Variants in NCKAP5 observed in about 807,000 individuals in gnomAD.
The protein encoded by NCKAP5 is nck-associated protein 5.
A neutral mutation model predicts 167.0 loss-of-function variants in NCKAP5; 92 were observed. The ratio of observed to expected loss-of-function variants is 0.55; its 90% confidence interval spans 0.47 to 0.66. The LOEUF is 0.66. NCKAP5 is among the 30% of genes least tolerant of loss of function. The pLI is 0.00. For missense variants in NCKAP5, 2,378 were observed against 2,315.0 expected (o/e 1.03, Z -0.56); for synonymous variants, 891 against 877.4 (o/e 1.02, Z -0.27).
intron 8 of NCKAP5, among the ~76,000 whole-genome samples, chr2:132,888,491 C>A (rs564357762): frequency 1.3e-5 from 2 of 152,160 alleles, no homozygotes; most frequent in Admixed American, 1.3e-4. Flanking sequence ...TGGGTTCAAG[C>A]AATTTCTCCC....
At chr2:132,962,060 G>A (rs972984047) in intron 8 of NCKAP5, among the ~76,000 whole-genome samples, 4 of 152,170 alleles carry the variant, frequency 2.6e-5, no homozygotes, top group Non-Finnish European at 4.4e-5. Flanking sequence ...AGTTGCTAGC[G>A]ATTCCTTTAG....
the NCKAP5 span, among the ~76,000 whole-genome samples, chr2:133,587,212 C>G: frequency 6.0e-3 from 913 of 152,220 alleles, 29 homozygotes; most frequent in Admixed American, 0.053. Flanking sequence ...GCCAGATTGC[C>G]AGGGCTGGAA....
chr2:133,250,500 A>G (rs2088257660), intron 4 of NCKAP5, among the ~76,000 whole-genome samples: 1 of 152,076 alleles, frequency 6.6e-6, no homozygotes, highest in Non-Finnish European at 1.5e-5. Context: ...GGTTCCTGAC[A>G]CCATGTGGAG....
intron 3 of NCKAP5, among the ~76,000 whole-genome samples, chr2:133,414,213 G>A (rs910628148): frequency 6.6e-6 from 1 of 152,118 alleles, no homozygotes; most frequent in African/African-American, 2.4e-5. Flanking sequence ...ACAGGTATTA[G>A]GTAAGGTCCA....
chr2:133,215,485 T>A (rs1478781600), intron 4 of NCKAP5, among the ~76,000 whole-genome samples: 1 of 152,180 alleles, frequency 6.6e-6, no homozygotes, highest in African/African-American at 2.4e-5. Flanking sequence ...AGCTCTAAAC[T>A]GAACAGAACT....
intron 5 of NCKAP5, among the ~76,000 whole-genome samples, chr2:133,205,291 TTAGATAGATAGA>T (rs36008566): frequency 2.0e-5 from 3 of 149,770 alleles, no homozygotes; most frequent in Middle Eastern, 3.4e-3. Context: ...GACTCTGAAA[TTAGATAGATAGA>T]TAGATAGATA....
intron 4 of NCKAP5, among the ~76,000 whole-genome samples, chr2:133,281,894 G>A (rs2089949120): frequency 6.6e-6 from 1 of 152,202 alleles, no homozygotes; most frequent in African/African-American, 2.4e-5. Context: ...GAAAGAGCAT[G>A]TTGGGCAGTT....
chr2:133,393,718 C>T (rs570528624), intron 3 of NCKAP5, among the ~76,000 whole-genome samples: 5 of 152,164 alleles, frequency 3.3e-5, no homozygotes, highest in African/African-American at 1.2e-4. Flanking sequence ...AATGAATAAA[C>T]AACTATCTTC....
chr2:132,686,569 T>C (rs1041061769), intron 19 of NCKAP5, among the ~76,000 whole-genome samples: 2 of 152,220 alleles, frequency 1.3e-5, no homozygotes, highest in African/African-American at 4.8e-5. Flanking sequence ...ACCTGGCATA[T>C]AGGTGGTCCA....
intron 5 of NCKAP5, among the ~76,000 whole-genome samples, chr2:133,211,554 CTT>C (rs2086212085): frequency 6.6e-6 from 1 of 152,150 alleles, no homozygotes; most frequent in Non-Finnish European, 1.5e-5. Flanking sequence ...CTACCCTGCT[CTT>C]TTATTTTCTC....
rs552065730 is a variant in NCKAP5, at chr2:133,547,082, C to T, written c.-62+11968G>A. Among the ~76,000 whole-genome samples, 508 of 152,300 alleles carry T rather than the reference C, an allele frequency of 3.3e-3. 5 individuals carry two copies. Among genetic ancestry groups the T allele is most frequent in the African/African-American group, 0.011 (454 of 41,578 alleles). Reference sequence around the variant, plus strand: ...CTCACTTGGGAAGTGCAAGGGGTCACGGAGTTCCCTTTCCAAGGCAAAGAA... The same window carrying T: ...CTCACTTGGGAAGTGCAAGGGGTCATGGAGTTCCCTTTCCAAGGCAAAGAA... On this transcript the variant is annotated intron_variant, in intron 2 of 19. Transcript: ENST00000409261.
chr2:132,675,649 G>A (rs1401907091), intron 19 of NCKAP5, among the ~76,000 whole-genome samples: 1 of 152,126 alleles, frequency 6.6e-6, no homozygotes, highest in East Asian at 1.9e-4. Flanking sequence ...ACCCCTGGAG[G>A]GAAGACAGAC....
chr2:133,268,023 A>G (rs2089324683), intron 4 of NCKAP5, among the ~76,000 whole-genome samples: 1 of 152,244 alleles, frequency 6.6e-6, no homozygotes, highest in Admixed American at 6.5e-5. Context: ...ACCTTGAATG[A>G]CAGTATTTGT....
At chr2:133,286,038 C>T (rs979392718) in intron 4 of NCKAP5, among the ~76,000 whole-genome samples, 12 of 151,582 alleles carry the variant, frequency 7.9e-5, no homozygotes, top group Non-Finnish European at 1.8e-4. Flanking sequence ...CTCTGTCGCC[C>T]AGGCTGGAGT....
chr2:132,830,117 A>G (rs1337146225), intron 11 of NCKAP5, among the ~76,000 whole-genome samples: 2 of 152,146 alleles, frequency 1.3e-5, no homozygotes, highest in Non-Finnish European at 2.9e-5. Context: ...GAACATTTCT[A>G]AAGTCTGGGC....
chr2:132,819,507 T>G (rs971673352), intron 11 of NCKAP5, among the ~76,000 whole-genome samples: 2 of 152,092 alleles, frequency 1.3e-5, no homozygotes, highest in Admixed American at 6.5e-5. Flanking sequence ...ATTATCTAAC[T>G]CTCACCCTTT....
chr2:132,844,461 T>C (rs1211119392), intron 11 of NCKAP5, among the ~76,000 whole-genome samples: 2 of 152,190 alleles, frequency 1.3e-5, no homozygotes, highest in South Asian at 4.1e-4. Flanking sequence ...CTATTTTCCA[T>C]GTGCTTACGT....
intron 8 of NCKAP5, among the ~76,000 whole-genome samples, chr2:132,882,317 C>A (rs540823258): frequency 6.6e-6 from 1 of 152,148 alleles, no homozygotes; most frequent in East Asian, 1.9e-4. Flanking sequence ...TGCTTCTAGT[C>A]GCTTTCAGTG....
chr2:133,518,313 T>G (rs545555612), intron 2 of NCKAP5, among the ~76,000 whole-genome samples: 2 of 148,386 alleles, frequency 1.3e-5, no homozygotes, highest in South Asian at 4.4e-4. Flanking sequence ...TGTAAAAGGC[T>G]TGAAATAAAA....
Sources: gnomAD v4.1 joint callset for allele counts (sites outside exome capture counted in the v4.1 genomes callset) on GRCh38, gnomAD v4.1.1 for gene constraint, MANE v1.5 for transcripts, NCBI Gene and HGNC (gene_info 2026-07-23, HGNC 2026-07-21) for gene names.